The following CAMTA1 variants were observed in gnomAD, a reference collection of about 807,000 sequenced individuals.
CAMTA1 encodes the protein calmodulin-binding transcription activator 1.
Under a neutral mutation model 170.9 loss-of-function variants are expected in CAMTA1, and 27 were observed. The ratio of observed to expected loss-of-function variants is 0.16; its 90% CI spans 0.12 to 0.22. CAMTA1 has a LOEUF of 0.22. Among genes scored for constraint, CAMTA1 ranks in the 10% least tolerant of loss-of-function variants. CAMTA1 has a pLI of 1.00. For missense variants in CAMTA1, 1,619 were observed against 2,217.2 expected, an observed-to-expected ratio of 0.73 and a Z score of 5.42; for synonymous variants, 833 against 891.5, an observed-to-expected ratio of 0.93 and a Z score of 1.17.
At position 6,839,649 on chromosome 1, in the gene CAMTA1, C is replaced by T. The variant is rs12033956; in HGVS notation, c.234+14439C>T. Among the ~76,000 whole-genome samples, 492 of 152,150 alleles carry T rather than the reference C, an allele frequency of 3.2e-3. 3 individuals are homozygous for T. The highest frequency in any genetic ancestry group is 0.01 in the African/African-American group (422 of 41,512). The stretch of plus-strand genomic sequence containing the variant: ...GAGGTGTGAGCACATCAGTAGATTT[C>T]GTAGGAAAGGCCTTTCTTAGGAAGT... On this transcript the variant is annotated intron_variant, in intron 3 of 22. Transcript: ENST00000303635.
intron 4 of CAMTA1, among the ~76,000 whole-genome samples, chr1:7,117,129 C>G (rs940873893): frequency 3.6e-4 from 54 of 151,866 alleles, no homozygotes; most frequent in African/African-American, 1.2e-3. Flanking sequence ...CGCCACCATA[C>G]CCAGCTAATT....
At chr1:6,977,154 G>T (rs1351611839) in intron 3 of CAMTA1, among the ~76,000 whole-genome samples, 1 of 152,112 alleles carries the variant, frequency 6.6e-6, no homozygotes, top group African/African-American at 2.4e-5. Flanking sequence ...AGGTCGTGTG[G>T]GTCGGGTCCT....
chr1:7,168,140 T>A (rs1648874593), intron 4 of CAMTA1, among the ~76,000 whole-genome samples: 1 of 152,216 alleles, frequency 6.6e-6, no homozygotes. Flanking sequence ...TTTTAAAAAG[T>A]ATATTTTCTG....
chr1:7,181,318 A>G (rs779528624), intron 4 of CAMTA1, among the ~76,000 whole-genome samples: 1 of 152,222 alleles, frequency 6.6e-6, no homozygotes, highest in Non-Finnish European at 1.5e-5. Context: ...ATTTCCACTT[A>G]AAGACCAGGA....
At chr1:7,726,129 A>G (rs999526580) in intron 11 of CAMTA1, among the ~76,000 whole-genome samples, 3 of 152,228 alleles carry the variant, frequency 2.0e-5, no homozygotes, top group African/African-American at 7.2e-5. Flanking sequence ...GAGTTATGGG[A>G]CTTACCCAGA....
rs562750438 is a variant in CAMTA1, at chr1:7,216,597, G to A, written c.303-32894G>A. On this transcript the variant is annotated intron_variant, in intron 4 of 22. Coordinates refer to ENST00000303635, the MANE Select transcript of CAMTA1 (RefSeq NM_015215.4). The surrounding 1 kb of genome is among the most constrained non-coding windows in gnomAD (Gnocchi z 4.0). ...GAGTTCTCGGCTCACTGCAATCCCCGCTTCCTGGGTTCAAGCAATCCTTGT... is the reference window on the plus strand; with the variant it reads ...GAGTTCTCGGCTCACTGCAATCCCCACTTCCTGGGTTCAAGCAATCCTTGT... Among the ~76,000 whole-genome samples the A allele has an allele frequency of 6.6e-6, 1 of 151,986 alleles. No homozygotes were observed. The highest frequency in any genetic ancestry group is 1.5e-5 in the Non-Finnish European group (1 of 68,016).
intron 3 of CAMTA1, among the ~76,000 whole-genome samples, chr1:6,857,747 A>T (rs956738992): frequency 3.9e-5 from 6 of 152,232 alleles, no homozygotes; most frequent in Non-Finnish European, 7.3e-5. Context: ...CAAAACATAA[A>T]AAACATTCCT....
chr1:7,464,836 C>T (rs368395996), intron 5 of CAMTA1, among the ~76,000 whole-genome samples: 53 of 152,006 alleles, frequency 3.5e-4, no homozygotes, highest in African/African-American at 1.2e-3. Context: ...TAGAATCGTA[C>T]CCATGGTGCA....
At chr1:7,046,691 G>C (rs1465172984) in intron 3 of CAMTA1, among the ~76,000 whole-genome samples, 1 of 152,224 alleles carries the variant, frequency 6.6e-6, no homozygotes, top group East Asian at 1.9e-4. Context: ...AGGAATGTGT[G>C]TGGTTTAGGG....
intron 5 of CAMTA1, among the ~76,000 whole-genome samples, chr1:7,374,703 C>G (rs2086717539): frequency 6.6e-6 from 1 of 152,222 alleles, no homozygotes; most frequent in African/African-American, 2.4e-5. Context: ...GCACGCTCAC[C>G]AGATACCAGG....
At chr1:7,525,674 T>C (rs149544713) in intron 6 of CAMTA1, among the ~76,000 whole-genome samples, 2 of 152,158 alleles carry the variant, frequency 1.3e-5, no homozygotes, top group Non-Finnish European at 2.9e-5. Context: ...TATCAAGAGA[T>C]ACGGGGTGAT....
intron 4 of CAMTA1, among the ~76,000 whole-genome samples, chr1:7,099,851 AC>A (rs763720495): frequency 2.6e-5 from 4 of 152,198 alleles, no homozygotes; most frequent in African/African-American, 4.8e-5. Context: ...GAGAGCTATC[AC>A]TTAATTCTCC....
chr1:7,460,188 C>T (rs1046731262), intron 5 of CAMTA1, among the ~76,000 whole-genome samples: 8 of 152,248 alleles, frequency 5.3e-5, no homozygotes, highest in East Asian at 1.9e-4. Context: ...AGGGGCCCGC[C>T]GTCCTCTCCC....
intron 3 of CAMTA1, among the ~76,000 whole-genome samples, chr1:6,860,623 A>T (rs957474625): frequency 6.6e-6 from 1 of 152,010 alleles, no homozygotes; most frequent in African/African-American, 2.4e-5. Flanking sequence ...TTAAAGGTCT[A>T]TCAGGGCCGG....
intron 9 of CAMTA1, among the ~76,000 whole-genome samples, chr1:7,670,021 G>A (rs113171659): frequency 0.02 from 3,108 of 152,336 alleles, 111 homozygotes; most frequent in African/African-American, 0.07. Context: ...GAGTCAGGGA[G>A]TACCCCAGCC....
At chr1:7,194,896 C>T (rs1655226817) in intron 4 of CAMTA1, among the ~76,000 whole-genome samples, 1 of 152,188 alleles carries the variant, frequency 6.6e-6, no homozygotes, top group South Asian at 2.1e-4. Flanking sequence ...TCTCCTTTGT[C>T]AATTTGAAGA....
intron 4 of CAMTA1, among the ~76,000 whole-genome samples, chr1:7,194,124 T>C (rs1372967391): frequency 6.6e-6 from 1 of 152,246 alleles, no homozygotes; most frequent in Non-Finnish European, 1.5e-5. Context: ...TGAACTATTT[T>C]TGGCCCATGA....
At chr1:6,790,094 G>T (rs1640628491) in intron 1 of CAMTA1, among the ~76,000 whole-genome samples, 1 of 152,066 alleles carries the variant, frequency 6.6e-6, no homozygotes, top group South Asian at 2.1e-4. Context: ...CTCCCAAAGT[G>T]CTGGGATTAC....
intron 3 of CAMTA1, among the ~76,000 whole-genome samples, chr1:6,954,659 A>G (rs1473581454): frequency 4.6e-5 from 7 of 152,230 alleles, no homozygotes; most frequent in Non-Finnish European, 1.0e-4. Flanking sequence ...AAGGCCACAC[A>G]GGAGACAGGC....
Sources: gnomAD v4.1 joint callset for allele counts (sites outside exome capture counted in the v4.1 genomes callset) on GRCh38, gnomAD v4.1.1 for gene constraint, Gnocchi (gnomAD v3.1) non-coding constraint, MANE v1.5 for transcripts, NCBI Gene and HGNC (gene_info 2026-07-23, HGNC 2026-07-21) for gene names.